CCSER1: variants seen among roughly 807,000 people sequenced by gnomAD.
CCSER1 encodes the protein coiled-coil serine rich protein 1.
CCSER1 carries 41 observed loss-of-function variants against 82.0 expected under a neutral mutation model. The ratio of observed to expected loss-of-function variants is 0.50; its 90% CI spans 0.39 to 0.65. CCSER1 has a LOEUF of 0.65. Among genes scored for constraint, CCSER1 ranks in the 30% least tolerant of loss-of-function variants. The probability of loss-of-function intolerance (pLI) is 0.00; values close to 1 mark genes in which losing one functional copy is unlikely to be tolerated. For missense variants in CCSER1, 1,119 were observed against 1,064.2 expected (o/e 1.05, Z -0.72); for synonymous variants, 414 against 383.9 (o/e 1.08, Z -0.92).
intron 4 of CCSER1, among the ~76,000 whole-genome samples, chr4:90,437,963 A>T (rs1759282619): frequency 6.6e-6 from 1 of 152,154 alleles, no homozygotes; most frequent in Admixed American, 6.5e-5. Context: ...GGCTTGGTTT[A>T]AAGTGCTGGG....
chr4:90,158,393 C>G lies in CCSER1; in HGVS notation c.-42+30562C>G, dbSNP rs571232676. ...CTCCAGCTGCGTGCTGGGAGAACCACTGCTCTCCTCAAAGCTGTCAGACAG... is the reference window on the plus strand; with the variant it reads ...CTCCAGCTGCGTGCTGGGAGAACCAGTGCTCTCCTCAAAGCTGTCAGACAG... On this transcript the variant is annotated intron_variant, in intron 1 of 10. Coordinates refer to ENST00000509176, the MANE Select transcript of CCSER1 (RefSeq NM_001145065.2). Among the ~76,000 whole-genome samples the G allele has an allele frequency of 1.4e-4, 22 of 152,328 alleles. 1 individual carries two copies. In the East Asian group the frequency reaches 4.1e-3, roughly 28 times the overall value.
At chr4:90,303,855 T>C (rs1033823682) in intron 1 of CCSER1, among the ~76,000 whole-genome samples, 79 of 150,144 alleles carry the variant, frequency 5.3e-4, no homozygotes, top group Non-Finnish European at 8.1e-4. Context: ...ACCATCAGAG[T>C]GAACAGGCAA....
At chr4:91,464,051 G>C (rs1394538189) in intron 10 of CCSER1, among the ~76,000 whole-genome samples, 2 of 152,110 alleles carry the variant, frequency 1.3e-5, no homozygotes, top group Non-Finnish European at 2.9e-5. Flanking sequence ...ACACATAATT[G>C]TCAGATTTAC....
At chr4:90,624,367 C>G (rs1579547079) in intron 5 of CCSER1, among the ~76,000 whole-genome samples, 2 of 151,970 alleles carry the variant, frequency 1.3e-5, no homozygotes, top group Admixed American at 6.6e-5. Flanking sequence ...GAAATTCTAA[C>G]TACCCAATGA....
At chr4:91,423,152 G>T (rs534903485) in intron 10 of CCSER1, among the ~76,000 whole-genome samples, 2 of 152,088 alleles carry the variant, frequency 1.3e-5, no homozygotes, top group South Asian at 2.1e-4. Context: ...CTGGCCTGGC[G>T]CTGTGGCTCA....
intron 10 of CCSER1, among the ~76,000 whole-genome samples, chr4:91,508,737 T>A (rs898123783): frequency 2.6e-5 from 4 of 151,826 alleles, no homozygotes; most frequent in African/African-American, 9.7e-5. Context: ...TTCATGGGAG[T>A]TTTTACTATT....
intron 10 of CCSER1, among the ~76,000 whole-genome samples, chr4:91,277,041 T>C (rs1278650046): frequency 6.6e-6 from 1 of 152,108 alleles, no homozygotes; most frequent in African/African-American, 2.4e-5. Flanking sequence ...GATATACTCT[T>C]AGATTTGATT....
At chr4:90,363,992 T>A (rs1434504530) in intron 3 of CCSER1, among the ~76,000 whole-genome samples, 3 of 152,108 alleles carry the variant, frequency 2.0e-5, no homozygotes, top group African/African-American at 4.8e-5. Flanking sequence ...AGCATTTTTT[T>A]ATGTGAAAGT....
At chr4:90,250,891 A>G (rs1462332070) in intron 1 of CCSER1, among the ~76,000 whole-genome samples, 2 of 152,022 alleles carry the variant, frequency 1.3e-5, no homozygotes, top group Non-Finnish European at 2.9e-5. Context: ...TTTTCAGAGT[A>G]CAAGTATTGC....
chr4:90,342,591 A>G (rs183820796), intron 3 of CCSER1, among the ~76,000 whole-genome samples: 1 of 152,306 alleles, frequency 6.6e-6, no homozygotes, highest in East Asian at 1.9e-4. Context: ...AGGAAAGGTC[A>G]TTTATCAAGA....
At chr4:90,375,924 C>G (rs1053553920) in intron 3 of CCSER1, among the ~76,000 whole-genome samples, 11 of 152,128 alleles carry the variant, frequency 7.2e-5, no homozygotes, top group Non-Finnish European at 1.2e-4. Flanking sequence ...TCCTGGCCAG[C>G]TGGGAGGCCA....
chr4:90,298,283 G>A (rs1211715726), intron 1 of CCSER1, among the ~76,000 whole-genome samples: 2 of 151,992 alleles, frequency 1.3e-5, no homozygotes, highest in African/African-American at 4.8e-5. Flanking sequence ...ATTTATGTAG[G>A]GGTGTTTGTA....
At chr4:90,184,113 A>G (rs1335018257) in intron 1 of CCSER1, among the ~76,000 whole-genome samples, 1 of 152,168 alleles carries the variant, frequency 6.6e-6, no homozygotes, top group Non-Finnish European at 1.5e-5. Context: ...AATTGTGAAT[A>G]TATGTCTTGA....
intron 9 of CCSER1, among the ~76,000 whole-genome samples, chr4:91,063,705 T>C (rs1166902184): frequency 6.6e-6 from 1 of 152,188 alleles, no homozygotes; most frequent in Non-Finnish European, 1.5e-5. Flanking sequence ...CCTTTGGGTT[T>C]CTTTAGGCTT....
intron 10 of CCSER1, among the ~76,000 whole-genome samples, chr4:91,440,965 G>C (rs1252160714): frequency 6.6e-6 from 1 of 151,894 alleles, no homozygotes; most frequent in Non-Finnish European, 1.5e-5. Flanking sequence ...ATCTGAAATT[G>C]TGGCAATAAT....
intron 9 of CCSER1, among the ~76,000 whole-genome samples, chr4:91,082,422 A>C (rs1722872620): frequency 1.3e-5 from 2 of 152,362 alleles, no homozygotes; most frequent in Admixed American, 6.5e-5. Flanking sequence ...AGATGGATTA[A>C]AGACTTAAAT....
At chr4:91,127,050 C>T (rs1727583757) in intron 10 of CCSER1, among the ~76,000 whole-genome samples, 1 of 151,956 alleles carries the variant, frequency 6.6e-6, no homozygotes, top group Non-Finnish European at 1.5e-5. Context: ...GTATTTGACT[C>T]AGTCCCTGTT....
At chr4:90,586,250 C>T (rs1036615067) in intron 5 of CCSER1, among the ~76,000 whole-genome samples, 1 of 151,966 alleles carries the variant, frequency 6.6e-6, no homozygotes, top group African/African-American at 2.4e-5. Context: ...TCCATTATAC[C>T]CCCCCACCCC....
chr4:91,098,833 G>A (rs931550168), intron 10 of CCSER1, among the ~76,000 whole-genome samples: 15 of 151,710 alleles, frequency 9.9e-5, no homozygotes, highest in African/African-American at 3.1e-4. Context: ...GAGCCACCGC[G>A]CCCAGCTGAG....
Sources: gnomAD v4.1 joint callset for allele counts (sites outside exome capture counted in the v4.1 genomes callset) on GRCh38, gnomAD v4.1.1 for gene constraint, MANE v1.5 for transcripts, NCBI Gene and HGNC (gene_info 2026-07-23, HGNC 2026-07-21) for gene names.